Variants in NRG2 observed in about 807,000 individuals in gnomAD.
NRG2 encodes neuregulin 2.
Under a neutral mutation model 73.9 loss-of-function variants are expected in NRG2, and 27 were observed. The ratio of observed to expected loss-of-function variants is 0.37; its 90% CI spans 0.27 to 0.50. The LOEUF is 0.50. NRG2 is among the 20% of genes least tolerant of loss of function. The pLI, the probability that NRG2 is intolerant of heterozygous loss-of-function variation, is 0.96. For missense variants in NRG2, 1,126 were observed against 1,210.1 expected, an observed-to-expected ratio of 0.93 and a Z score of 1.03; for synonymous variants, 532 against 541.0, an observed-to-expected ratio of 0.98 and a Z score of 0.23.
intron 1 of NRG2, among the ~76,000 whole-genome samples, chr5:139,991,216 C>T (rs1757604022): frequency 6.6e-6 from 1 of 151,922 alleles, no homozygotes; most frequent in Non-Finnish European, 1.5e-5. Flanking sequence ...GCAGAGGTTT[C>T]AGTGAGCCAA....
chr5:139,959,257 T>C (rs1390541853), intron 1 of NRG2, among the ~76,000 whole-genome samples: 1 of 152,236 alleles, frequency 6.6e-6, no homozygotes, highest in East Asian at 1.9e-4. Context: ...TGGAGTGCAA[T>C]GGCACGATCT....
intron 1 of NRG2, among the ~76,000 whole-genome samples, chr5:139,938,883 GGAAAGAAAGAAAGAAAGA>G (rs1561693650): frequency 0.01 from 485 of 48,072 alleles, 4 homozygotes; most frequent in African/African-American, 0.027. Context: ...AGAGAGAGAA[GGAAAGAAAGAAAGAAAGA>G]AAGAAAAGAA....
intron 4 of NRG2, among the ~76,000 whole-genome samples, chr5:139,867,480 G>A (rs374343139): frequency 1.4e-4 from 21 of 152,166 alleles, no homozygotes; most frequent in African/African-American, 4.6e-4. Context: ...TCTGATCCCT[G>A]GCCCTCGTCC....
chr5:139,871,520 C>T (rs2127073224), intron 4 of NRG2, among the ~76,000 whole-genome samples: 1 of 152,236 alleles, frequency 6.6e-6, no homozygotes, highest in Middle Eastern at 3.4e-3. Flanking sequence ...ATGGGGACTG[C>T]ACAAGCCCCT....
chr5:139,945,407 T>C (rs1405562426), intron 1 of NRG2, among the ~76,000 whole-genome samples: 1 of 152,154 alleles, frequency 6.6e-6, no homozygotes, highest in Non-Finnish European at 1.5e-5. Flanking sequence ...ATTGAAAAGA[T>C]GTCTTTTCCC....
intron 1 of NRG2, among the ~76,000 whole-genome samples, chr5:140,015,642 G>A (rs1203842004): frequency 6.6e-6 from 1 of 152,168 alleles, no homozygotes; most frequent in African/African-American, 2.4e-5. Flanking sequence ...CTCCCAGCCT[G>A]GAGCTTTCCA....
intron 9 of NRG2, 83 bp from the exon 10 acceptor site, chr5:139,848,780 A>ACC: frequency 2.0e-5 from 1 of 50,822 alleles, no homozygotes; most frequent in East Asian, 4.1e-4. Context: ...GTAGGGTGGG[A>ACC]GGGGCGGACC....
Position 139,868,743 on chromosome 5 carries a change from G to A in NRG2, c.1112+2978C>T, listed in dbSNP as rs1357166268. 3.9e-5 allele frequency among the ~76,000 whole-genome samples: 6 copies of A among 152,112 alleles called. No individual in the cohort carries two copies. The highest frequency in any genetic ancestry group is 8.8e-5 in the Non-Finnish European group (6 of 68,010). ...GGGGAGGGGGTGGATGAAGGATGGC[G>A]GTGTGCCCCGGGCACTGGAGGGAGT... On this transcript the variant is annotated intron_variant, in intron 4 of 9. Transcript: ENST00000361474. The surrounding 1 kb of genome is among the most constrained non-coding windows in gnomAD (Gnocchi z 4.2).
rs541609452 is a variant in NRG2 at position 139,913,401 on chromosome 5, T to C, written c.701-25890A>G. Reference sequence around the variant, plus strand: ...CCACCACAAGCCTTTGTCTAATTGCTTGCATTGTTTTGGGTTTCCGACTGA... The same window carrying C: ...CCACCACAAGCCTTTGTCTAATTGCCTGCATTGTTTTGGGTTTCCGACTGA... On this transcript the variant is annotated intron_variant, in intron 1 of 9. Coordinates refer to ENST00000361474, the MANE Select transcript of NRG2 (RefSeq NM_004883.3). Among the ~76,000 whole-genome samples, 3 of 152,314 alleles carry C rather than the reference T, an allele frequency of 2.0e-5. No homozygotes were observed. In the South Asian group the frequency reaches 6.2e-4, roughly 32 times the overall value.
chr5:139,862,612 T>C (rs1191052657), intron 5 of NRG2, among the ~76,000 whole-genome samples: 1 of 152,232 alleles, frequency 6.6e-6, no homozygotes, highest in Non-Finnish European at 1.5e-5. Flanking sequence ...CATACAGTCA[T>C]AGGCTGCCTG....
At chr5:139,992,653 C>T (rs1442605157) in intron 1 of NRG2, among the ~76,000 whole-genome samples, 2 of 152,150 alleles carry the variant, frequency 1.3e-5, no homozygotes, top group African/African-American at 4.8e-5. Context: ...TTAGAAAAAA[C>T]CTTTTTCATA....
intron 1 of NRG2, among the ~76,000 whole-genome samples, chr5:140,015,616 G>C (rs1364337476): frequency 6.6e-6 from 1 of 152,154 alleles, no homozygotes; most frequent in African/African-American, 2.4e-5. Flanking sequence ...TAAGTATCCT[G>C]TTTCCTGCAT....
At chr5:139,920,176 G>A (rs1751555462) in intron 1 of NRG2, among the ~76,000 whole-genome samples, 1 of 152,228 alleles carries the variant, frequency 6.6e-6, no homozygotes, top group African/African-American at 2.4e-5. Context: ...AGATCCTGAT[G>A]TGAAGGCATA....
chr5:139,859,894 A>C, intron 5 of NRG2: 1 of 1,612,390 alleles, frequency 6.2e-7, no homozygotes, highest in Non-Finnish European at 8.5e-7. Context: ...CATACCCTTT[A>C]ATTCAAATCC....
intron 1 of NRG2, among the ~76,000 whole-genome samples, chr5:139,970,053 T>C (rs762028208): frequency 5.3e-4 from 81 of 152,320 alleles, no homozygotes; most frequent in Non-Finnish European, 7.6e-4. Context: ...GAATAACCTT[T>C]AGAAGTCCCT....
chr5:139,909,729 G>T (rs1765465147), intron 1 of NRG2, among the ~76,000 whole-genome samples: 2 of 152,224 alleles, frequency 1.3e-5, no homozygotes, highest in South Asian at 4.1e-4. Flanking sequence ...GAAATTCCCA[G>T]TTATCCAGAA....
At position 139,847,840 on chromosome 5, in the gene NRG2, CTT is replaced by C. The variant is rs1761087471; in HGVS notation, c.*75_*76del. 2 of 798,938 alleles carry C rather than the reference CTT, an allele frequency of 2.5e-6. No individual in the cohort carries two copies. Among genetic ancestry groups the C allele is most frequent in the Non-Finnish European group, 3.4e-6 (2 of 581,582 alleles). 49.5% of individuals were successfully genotyped at this position (798,938 alleles called of 1,614,324 possible). On this transcript the variant is annotated 3_prime_UTR_variant, in exon 10 of 10. Transcript: ENST00000361474. ...AAATATTTTTATTTCTTTTTTCCTC[CTT>C]TCTCTCCAGTAGGCGGTCTCTGGTC...
intron 1 of NRG2, among the ~76,000 whole-genome samples, chr5:139,975,470 C>T (rs1436548323): frequency 2.0e-5 from 3 of 152,124 alleles, no homozygotes; most frequent in Admixed American, 6.5e-5. Context: ...GCTTGGTGTC[C>T]AGGACCCCAG....
At chr5:140,035,911 A>G (rs1333521162) in intron 1 of NRG2, among the ~76,000 whole-genome samples, 2 of 152,188 alleles carry the variant, frequency 1.3e-5, no homozygotes, top group East Asian at 1.9e-4. Flanking sequence ...TGATCATCAC[A>G]TCTTGGAGGT....
Sources: allele counts gnomAD v4.1 joint callset (sites outside exome capture counted in the v4.1 genomes callset), GRCh38; gene constraint gnomAD v4.1.1; non-coding constraint Gnocchi (gnomAD v3.1); transcripts MANE v1.5; gene names NCBI Gene and HGNC (gene_info 2026-07-23, HGNC 2026-07-21).